Variants in CADPS2 observed in about 807,000 individuals in gnomAD.
CADPS2 encodes the protein calcium-dependent secretion activator 2.
In CADPS2, 93 loss-of-function variants were observed where a neutral mutation model predicts 172.5. The observed-to-expected ratio is 0.54, with a 90% CI of 0.46 to 0.64. CADPS2 has a LOEUF of 0.64. Among genes scored for constraint, CADPS2 ranks in the 30% least tolerant of loss-of-function variants. The pLI, the probability that CADPS2 is intolerant of heterozygous loss-of-function variation, is 0.00. For missense variants in CADPS2, 1,420 were observed against 1,565.9 expected (o/e 0.91, Z 1.57); for synonymous variants, 546 against 555.2 (o/e 0.98, Z 0.23).
intron 2 of CADPS2, among the ~76,000 whole-genome samples, chr7:122,665,369 C>T (rs1247168710): frequency 6.6e-6 from 1 of 152,128 alleles, no homozygotes; most frequent in African/African-American, 2.4e-5. Flanking sequence ...CAAGAAGATT[C>T]CTGGAGCTCA....
chr7:122,763,131 C>A (rs1050664804), intron 1 of CADPS2, among the ~76,000 whole-genome samples: 9 of 151,996 alleles, frequency 5.9e-5, no homozygotes, highest in Admixed American at 2.0e-4. Context: ...ACAGAGAAAA[C>A]TGAGCACACA....
chr7:122,597,054 G>A (rs2071917625), intron 6 of CADPS2, among the ~76,000 whole-genome samples: 4 of 151,850 alleles, frequency 2.6e-5, no homozygotes, highest in African/African-American at 4.8e-5. Flanking sequence ...TTAACAACCA[G>A]CTCTTGCAGC....
chr7:122,497,209 G>A (rs2058806713), intron 9 of CADPS2, among the ~76,000 whole-genome samples: 1 of 151,696 alleles, frequency 6.6e-6, no homozygotes, highest in African/African-American at 2.4e-5. Context: ...CAATTATTCT[G>A]TGTTATATTT....
At chr7:122,539,097 A>G (rs1490683020) in intron 8 of CADPS2, among the ~76,000 whole-genome samples, 3 of 152,160 alleles carry the variant, frequency 2.0e-5, no homozygotes, top group Admixed American at 2.0e-4. Flanking sequence ...TAACCAATAC[A>G]AAGTGGATAC....
chr7:122,671,477 G>A (rs758715241), intron 2 of CADPS2, among the ~76,000 whole-genome samples: 23 of 152,086 alleles, frequency 1.5e-4, no homozygotes, highest in African/African-American at 3.4e-4. Context: ...GCCTGAAATC[G>A]CAGCACTTTG....
chr7:122,452,460 A>T (rs758844702), intron 14 of CADPS2, among the ~76,000 whole-genome samples: 1 of 152,230 alleles, frequency 6.6e-6, no homozygotes, highest in Non-Finnish European at 1.5e-5. Context: ...CAATGGCACG[A>T]TCTTGGCTCA....
intron 20 of CADPS2, among the ~76,000 whole-genome samples, chr7:122,399,648 A>AAGGGTGG (rs2045634707): frequency 7.8e-6 from 1 of 128,320 alleles, no homozygotes; most frequent in African/African-American, 2.8e-5. Context: ...TAACTCTCTC[A>AAGGGTGG]AGGGTGGGTT....
intron 1 of CADPS2, among the ~76,000 whole-genome samples, chr7:122,878,117 G>T (rs565796483): frequency 6.6e-6 from 1 of 151,758 alleles, no homozygotes; most frequent in Non-Finnish European, 1.5e-5. Context: ...TTAGCTGGGC[G>T]TGGTGGTACG....
intron 1 of CADPS2, among the ~76,000 whole-genome samples, chr7:122,859,165 A>T (rs561511579): frequency 6.6e-5 from 10 of 152,272 alleles, no homozygotes; most frequent in African/African-American, 2.4e-4. Context: ...AATATTTTCA[A>T]TTTCACTGGG....
intron 1 of CADPS2, among the ~76,000 whole-genome samples, chr7:122,813,449 C>T (rs1398717979): frequency 6.6e-6 from 1 of 152,090 alleles, no homozygotes; most frequent in Non-Finnish European, 1.5e-5. Context: ...AATTACATAA[C>T]TCATCATTTC....
chr7:122,323,782 GGATA>G (rs958809207), intron 29 of CADPS2, among the ~76,000 whole-genome samples: 3 of 150,014 alleles, frequency 2.0e-5, no homozygotes, highest in African/African-American at 7.4e-5. Context: ...TTTATCATAA[GGATA>G]AACAGCTAAT....
At chr7:122,427,247 T>C (rs2049287168) in intron 17 of CADPS2, 1 of 152,184 alleles carries the variant, frequency 6.6e-6, no homozygotes, top group African/African-American at 2.4e-5. Context: ...ATCTGGGATA[T>C]ATTTAATTAA....
chr7:122,704,872 G>A (rs1348521382), intron 2 of CADPS2, among the ~76,000 whole-genome samples: 3 of 151,956 alleles, frequency 2.0e-5, no homozygotes, highest in Non-Finnish European at 4.4e-5. Flanking sequence ...AGCATCTAGC[G>A]AGTACACACC....
At chr7:122,362,086 CAA>C (rs1285988314) in intron 25 of CADPS2, among the ~76,000 whole-genome samples, 1 of 151,750 alleles carries the variant, frequency 6.6e-6, no homozygotes, top group Non-Finnish European at 1.5e-5. Flanking sequence ...AAAACAAAAA[CAA>C]AAACAAAAAA....
chr7:122,459,278 G>C (rs1233495384), intron 14 of CADPS2, among the ~76,000 whole-genome samples: 1 of 151,668 alleles, frequency 6.6e-6, no homozygotes, highest in East Asian at 1.9e-4. Flanking sequence ...TAGAAATGTA[G>C]GCATTTTTCC....
intron 1 of CADPS2, among the ~76,000 whole-genome samples, chr7:122,835,446 C>G (rs529546872): frequency 4.1e-4 from 62 of 152,326 alleles, no homozygotes; most frequent in East Asian, 1.9e-3. Flanking sequence ...ATGACTTTGA[C>G]GAGTTGAGAG....
chr7:122,320,930 G>A (rs182517082), intron 29 of CADPS2, among the ~76,000 whole-genome samples: 8 of 152,264 alleles, frequency 5.3e-5, no homozygotes, highest in Admixed American at 5.2e-4. Context: ...ATTCCCTTGG[G>A]ATGTGAAGTG....
chr7:122,523,801 G>A (rs182912890), intron 8 of CADPS2, among the ~76,000 whole-genome samples: 66 of 152,196 alleles, frequency 4.3e-4, no homozygotes, highest in Non-Finnish European at 8.8e-4. Context: ...AAAATTAGTA[G>A]GCTTTCCAAG....
At chr7:122,391,519 AG>A (rs1361625049) in intron 22 of CADPS2, among the ~76,000 whole-genome samples, 1 of 152,138 alleles carries the variant, frequency 6.6e-6, no homozygotes, top group Non-Finnish European at 1.5e-5. Flanking sequence ...AGTGTAAAAA[AG>A]AACAAAAAAA....
Sources: gnomAD v4.1 joint callset for allele counts (sites outside exome capture counted in the v4.1 genomes callset) on GRCh38, gnomAD v4.1.1 for gene constraint, MANE v1.5 for transcripts, NCBI Gene and HGNC (gene_info 2026-07-23, HGNC 2026-07-21) for gene names.